The following CIB3 variants were observed in gnomAD, a reference collection of about 807,000 sequenced individuals.
The protein encoded by CIB3 is calcium and integrin binding family member 3.
CIB3 carries 22 observed loss-of-function variants against 23.4 expected under a neutral mutation model. The ratio of observed to expected loss-of-function variants is 0.94; its 90% CI spans 0.67 to 1.34. CIB3 has a LOEUF of 1.34. CIB3 is among the 40% of genes most tolerant of loss of function. CIB3 has a pLI of 0.00. For missense variants in CIB3, 258 were observed against 247.3 expected (o/e 1.04, Z -0.29); for synonymous variants, 93 against 95.8 (o/e 0.97, Z 0.17).
At position 16,173,155 on chromosome 19, in the gene CIB3, G is replaced by A; in HGVS notation, c.86+7C>T. Reference sequence around the variant, plus strand: ...CAGATCTTCTCTCCCTTCCTCCCTGGACTGACCTCATGATCTCCTTCCTTG... The same window carrying A: ...CAGATCTTCTCTCCCTTCCTCCCTGAACTGACCTCATGATCTCCTTCCTTG... On this transcript the variant is annotated splice_region_variant and intron_variant, in intron 2 of 5. Coordinates refer to ENST00000269878, the MANE Select transcript of CIB3 (RefSeq NM_054113.4). 6.2e-7 allele frequency: 1 copy of A among 1,612,992 alleles called. No individual in the cohort carries two copies. Among genetic ancestry groups the A allele is most frequent in the Non-Finnish European group, 8.5e-7 (1 of 1,179,864 alleles).
chr19:16,163,873 G>A (rs868210746), intron 5 of CIB3, among the ~76,000 whole-genome samples: 1 of 152,130 alleles, frequency 6.6e-6, no homozygotes, highest in African/African-American at 2.4e-5. Flanking sequence ...GTGTGGCTGT[G>A]AGCCAATACA....
chr19:16,170,202 T>C (rs2091322360), intron 2 of CIB3, among the ~76,000 whole-genome samples: 1 of 152,084 alleles, frequency 6.6e-6, no homozygotes, highest in South Asian at 2.1e-4. Context: ...ATACAGAGCC[T>C]GACACAGGCA....
At chr19:16,166,565 T>C (rs998540020) in intron 4 of CIB3, among the ~76,000 whole-genome samples, 6 of 152,216 alleles carry the variant, frequency 3.9e-5, no homozygotes, top group East Asian at 1.9e-4. Flanking sequence ...CTTTTTCATT[T>C]ATTCATTCAT....
chr19:16,173,041 T>TACAC (rs3076227), intron 2 of CIB3, 121 bp downstream of exon 2: 48,686 of 779,218 alleles, frequency 0.062, 861 homozygotes, highest in East Asian at 0.14. Context: ...AAAGACTACT[T>TACAC]ACACACACAC....
At chr19:16,167,316 T>C (rs1042839708) in intron 4 of CIB3, among the ~76,000 whole-genome samples, 1 of 152,194 alleles carries the variant, frequency 6.6e-6, no homozygotes, top group Non-Finnish European at 1.5e-5. Flanking sequence ...CATTCAGTCA[T>C]TCAACAAATA....
intron 3 of CIB3, 47 bp from the exon 4 acceptor site, chr19:16,168,331 T>A (rs2091314374): frequency 1.2e-6 from 2 of 1,605,098 alleles, no homozygotes; most frequent in African/African-American, 2.7e-5. Context: ...ACCCCCAAGG[T>A]CTCTGGGGTC....
At chr19:16,163,079 C>T (rs1023410183) in intron 5 of CIB3, among the ~76,000 whole-genome samples, 34 of 151,714 alleles carry the variant, frequency 2.2e-4, no homozygotes, top group African/African-American at 8.2e-4. Flanking sequence ...TTAGTAGAGA[C>T]TACTGCCTCA....
At chr19:16,169,856 G>A (rs285282) in intron 2 of CIB3, 115 bp from the exon 3 acceptor site, 52,974 of 832,424 alleles carry the variant, frequency 0.064, 2,209 homozygotes, top group African/African-American at 0.17. Flanking sequence ...CTGGAGTGCA[G>A]TGGCACAATC....
intron 4 of CIB3, among the ~76,000 whole-genome samples, chr19:16,165,136 A>G (rs1376466925): frequency 6.6e-6 from 1 of 151,948 alleles, no homozygotes; most frequent in Non-Finnish European, 1.5e-5. Context: ...TCTACTAAAA[A>G]TACAAAAATA....
At chr19:16,170,865 G>A (rs1266381244) in intron 2 of CIB3, among the ~76,000 whole-genome samples, 3 of 150,684 alleles carry the variant, frequency 2.0e-5, no homozygotes, top group South Asian at 2.1e-4. Context: ...GAGGCCGGGC[G>A]CGGTGGCTCA....
intron 5 of CIB3, among the ~76,000 whole-genome samples, chr19:16,163,965 A>T (rs566365044): frequency 7.2e-4 from 109 of 152,116 alleles, no homozygotes; most frequent in South Asian, 5.0e-3. Flanking sequence ...TTAAAAAAAA[A>T]TTTTTAATGT....
intron 3 of CIB3, among the ~76,000 whole-genome samples, chr19:16,168,958 T>TC (rs1209563662): frequency 1.3e-5 from 2 of 152,042 alleles, no homozygotes; most frequent in Admixed American, 6.6e-5. Flanking sequence ...ACCCACAAGT[T>TC]CCCCTTGGAG....
chr19:16,164,214 A>C (rs1457195546), intron 5 of CIB3, among the ~76,000 whole-genome samples: 2 of 152,142 alleles, frequency 1.3e-5, no homozygotes, highest in Non-Finnish European at 1.5e-5. Context: ...GGGTCAAGAG[A>C]TCCTCCCCAC....
Position 16,168,253 on chromosome 19 carries a change from A to T in CIB3, c.230T>A (p.Val77Glu). The part of the protein sequence containing the change: ...DNPFRQRIAQ[V>E]FSEDGDGHMT... ...GTGGCCATCCCCATCCTCAGAGAAT[A>T]CCTGGGCAATCCTCTGGCGGAAGGG... The change falls in exon 4 of 6, where the codon GTA (valine) becomes GAA (glutamate). Residue 77 changes from valine (V) to glutamate (E), a missense_variant. Physicochemically the swap from Val to Glu is moderately radical, Grantham distance 121. Transcript: ENST00000269878. 6.2e-7 allele frequency: 1 copy of T among 1,613,832 alleles called. No homozygotes were observed. The highest frequency in any genetic ancestry group is 8.5e-7 in the Non-Finnish European group (1 of 1,179,936).
chr19:16,169,588 T>G, intron 3 of CIB3, 42 bp downstream of exon 3: 1 of 1,546,216 alleles, frequency 6.5e-7, no homozygotes, highest in Non-Finnish European at 8.9e-7. Flanking sequence ...GAGAGACATC[T>G]CTACTATTTT....
At chr19:16,168,763 G>T (rs2091316184) in intron 3 of CIB3, among the ~76,000 whole-genome samples, 1 of 150,760 alleles carries the variant, frequency 6.6e-6, no homozygotes, top group Non-Finnish European at 1.5e-5. Context: ...GCCGAGATAT[G>T]GGGGGAGATT....
Position 16,164,835 on chromosome 19 carries a change from G to A in CIB3, c.425C>T (p.Ala142Val), listed in dbSNP as rs771998354. The change falls in exon 5 of 6, where the codon GCC becomes GTC. Residue 142 changes from alanine to valine, a missense_variant. Coordinates refer to ENST00000269878, the MANE Select transcript of CIB3 (RefSeq NM_054113.4). The part of the protein sequence containing the change: ...VTKLTRGGLS[A>V]EEVSLVCEKV... ...CTCACATACCAGGCTCACCTCCTCGGCACTCAGCCCCCCCCGCGTCAGTTT... is the reference window on the plus strand; with the variant it reads ...CTCACATACCAGGCTCACCTCCTCGACACTCAGCCCCCCCCGCGTCAGTTT... 4 of 1,613,856 alleles carry A rather than the reference G, an allele frequency of 2.5e-6. No individual in the cohort carries two copies. The highest frequency in any genetic ancestry group is 2.2e-5 in the East Asian group (1 of 44,838).
At chr19:16,166,939 G>C (rs1373155120) in intron 4 of CIB3, among the ~76,000 whole-genome samples, 2 of 152,194 alleles carry the variant, frequency 1.3e-5, no homozygotes, top group African/African-American at 4.8e-5. Flanking sequence ...AATTTGGCTG[G>C]GCGTGGTGGT....
intron 2 of CIB3, among the ~76,000 whole-genome samples, chr19:16,171,103 A>G (rs188225582): frequency 1.6e-3 from 245 of 152,028 alleles, no homozygotes; most frequent in African/African-American, 5.8e-3. Context: ...AAGCCAGTGC[A>G]CTCCAGCCTG....
Sources: gnomAD v4.1 joint callset for allele counts (sites outside exome capture counted in the v4.1 genomes callset) on GRCh38, gnomAD v4.1.1 for gene constraint, MANE v1.5 for transcripts, NCBI Gene and HGNC (gene_info 2026-07-23, HGNC 2026-07-21) for gene names.